Variants in RABGAP1 observed in about 807,000 individuals in gnomAD.
RABGAP1 encodes rab GTPase-activating protein 1.
RABGAP1 carries 23 observed loss-of-function variants against 137.6 expected under a neutral mutation model. The observed-to-expected ratio is 0.17, with a 90% CI of 0.12 to 0.24. RABGAP1 has a LOEUF of 0.24. RABGAP1 is among the 10% of genes least tolerant of loss of function. The probability of loss-of-function intolerance (pLI) is 1.00; values close to 1 mark genes in which losing one functional copy is unlikely to be tolerated. For missense variants in RABGAP1, 906 were observed against 1,275.8 expected, an observed-to-expected ratio of 0.71 and a Z score of 4.42; for synonymous variants, 451 against 450.7, an observed-to-expected ratio of 1.00 and a Z score of -0.01.
chr9:123,014,595 C>T (rs2031073019), intron 11 of RABGAP1, among the ~76,000 whole-genome samples: 1 of 150,718 alleles, frequency 6.6e-6, no homozygotes, highest in African/African-American at 2.4e-5. Context: ...TTAGTCTGTT[C>T]TCATACTGCT....
chr9:123,043,799 G>A (rs948574674), intron 13 of RABGAP1, among the ~76,000 whole-genome samples: 3 of 151,918 alleles, frequency 2.0e-5, no homozygotes, highest in African/African-American at 7.3e-5. Flanking sequence ...AAGGAGAGGT[G>A]AAAATGGTTG....
rs576550430 is a variant in RABGAP1 at position 122,957,429 on chromosome 9, T to C, written c.150+220T>C. Among the ~76,000 whole-genome samples the C allele has an allele frequency of 1.3e-4, 20 of 152,310 alleles. No individual in the cohort carries two copies. The South Asian group carries it at 3.3e-3, about 25-fold the overall frequency. ...CTAAATTTTTCAATACCCCTAAGTG[T>C]CAAAACTAGTGGTTATAGTATAAAC... On this transcript the variant is annotated intron_variant, in intron 2 of 25. Transcript: ENST00000373647.
At chr9:123,038,050 A>G (rs2032758455) in intron 13 of RABGAP1, among the ~76,000 whole-genome samples, 1 of 152,194 alleles carries the variant, frequency 6.6e-6, no homozygotes, top group Non-Finnish European at 1.5e-5. Context: ...AAGTAGGATT[A>G]TACTGATGTT....
chr9:123,023,371 G>A (rs2031767070), intron 13 of RABGAP1, among the ~76,000 whole-genome samples: 1 of 152,144 alleles, frequency 6.6e-6, no homozygotes, highest in Admixed American at 6.5e-5. Flanking sequence ...AGTAGAGACA[G>A]GGTATCCCCA....
rs1588222351 is a variant in RABGAP1 at position 122,989,331 on chromosome 9, A to G, written c.625A>G (p.Asn209Asp). 1.2e-6 allele frequency: 2 copies of G among 1,613,708 alleles called. No homozygotes were observed. The highest frequency in any genetic ancestry group is 8.5e-7 in the Non-Finnish European group (1 of 1,179,830). Residue 209 changes from asparagine to aspartate, a missense_variant, in exon 5 of 26, where the codon AAC (asparagine) becomes GAC (aspartate). This residue lies in a region of RABGAP1 where 331 missense variants were observed against 358.3 expected (regional missense o/e 0.92). Transcript: ENST00000373647. ...LDPQTNTEIA[N>D]YPIYKILFCV... ...TCCTCAGACAAACACTGAAATAGCA[A>G]ACTACCCTATCTACAAAATCCTCTT...
chr9:122,988,499 A>ATT (rs71388335), intron 4 of RABGAP1, among the ~76,000 whole-genome samples: 88,868 of 143,880 alleles, frequency 0.62, 34,062 homozygotes, highest in Non-Finnish European at 0.86. Flanking sequence ...TTTATTCATG[A>ATT]TTTTTTTTTT....
intron 10 of RABGAP1, among the ~76,000 whole-genome samples, chr9:123,009,581 T>C (rs1290092627): frequency 6.6e-6 from 1 of 152,218 alleles, no homozygotes; most frequent in African/African-American, 2.4e-5. Context: ...GAAGGAAGAA[T>C]GTTAGTATAC....
chr9:123,054,678 A>G (rs1329429129), intron 13 of RABGAP1, among the ~76,000 whole-genome samples: 3 of 152,202 alleles, frequency 2.0e-5, no homozygotes, highest in African/African-American at 7.2e-5. Flanking sequence ...TGAGTGCACT[A>G]CATTTAGTCC....
intron 1 of RABGAP1, among the ~76,000 whole-genome samples, chr9:122,946,495 A>G (rs1435155695): frequency 6.6e-6 from 1 of 152,170 alleles, no homozygotes; most frequent in Non-Finnish European, 1.5e-5. Context: ...CATTTATTAA[A>G]TGCTAATGTA....
intron 13 of RABGAP1, among the ~76,000 whole-genome samples, chr9:123,021,385 A>G (rs1162359379): frequency 7.2e-6 from 1 of 138,730 alleles, no homozygotes; most frequent in Non-Finnish European, 1.5e-5. Context: ...GTGCAGTGGC[A>G]TGATCTAGGC....
Position 123,070,262 on chromosome 9 carries a change from G to A in RABGAP1, c.1909-88G>A. The stretch of plus-strand genomic sequence containing the variant: ...GTCCCAGTGTGGGTAGCATCCTCCA[G>A]GGTTCTGTATTCAAGGTCCTATAGT... On this transcript the variant is annotated intron_variant, in intron 14 of 25. Coordinates refer to ENST00000373647, the MANE Select transcript of RABGAP1 (RefSeq NM_012197.4). The surrounding 1 kb of genome is among the most constrained non-coding windows in gnomAD (Gnocchi z 4.4). The A allele has an allele frequency of 6.3e-7, 1 of 1,579,856 alleles. No homozygotes were observed. Among genetic ancestry groups the A allele is most frequent in the Non-Finnish European group, 8.6e-7 (1 of 1,163,628 alleles).
intron 13 of RABGAP1, among the ~76,000 whole-genome samples, chr9:123,048,446 G>C (rs2033316767): frequency 6.6e-6 from 1 of 152,174 alleles, no homozygotes; most frequent in East Asian, 1.9e-4. Context: ...CTGTGTGTCT[G>C]TGTGTTGCAT....
intron 19 of RABGAP1, among the ~76,000 whole-genome samples, chr9:123,080,550 C>T (rs985347875): frequency 1.3e-5 from 2 of 152,132 alleles, no homozygotes; most frequent in East Asian, 3.8e-4. Context: ...ATAGTTGAAC[C>T]TGTTATGGGC....
intron 5 of RABGAP1, chr9:122,989,712 G>A: frequency 1.8e-6 from 1 of 558,460 alleles, no homozygotes; most frequent in South Asian, 2.4e-5. Context: ...ATTGGGTTAA[G>A]TAGGCATTCT....
intron 14 of RABGAP1, among the ~76,000 whole-genome samples, chr9:123,068,451 G>C (rs930774590): frequency 6.6e-6 from 1 of 151,890 alleles, no homozygotes; most frequent in Admixed American, 6.6e-5. Flanking sequence ...TTTTGTAACT[G>C]ATAAAACTGT....
intron 13 of RABGAP1, among the ~76,000 whole-genome samples, chr9:123,040,400 G>C (rs577043664): frequency 1.3e-5 from 2 of 152,258 alleles, no homozygotes; most frequent in East Asian, 3.9e-4. Context: ...GGTGGGAATG[G>C]AATCTCAGAA....
chr9:122,987,096 C>T (rs1481638064), intron 4 of RABGAP1, among the ~76,000 whole-genome samples: 1 of 151,964 alleles, frequency 6.6e-6, no homozygotes, highest in African/African-American at 2.4e-5. Context: ...GTGATCATGC[C>T]ACTTCACTCC....
chr9:123,067,045 A>T (rs1191470642), intron 14 of RABGAP1, among the ~76,000 whole-genome samples: 3 of 152,232 alleles, frequency 2.0e-5, no homozygotes, highest in African/African-American at 7.2e-5. Flanking sequence ...AAATAAGTTT[A>T]TCCATCTTTA....
chr9:123,059,685 A>AT (rs1384312880), intron 13 of RABGAP1, among the ~76,000 whole-genome samples: 1 of 152,220 alleles, frequency 6.6e-6, no homozygotes, highest in Admixed American at 6.5e-5. Context: ...TTGTGCTCTT[A>AT]TAAAGAAGAG....
Sources: allele counts gnomAD v4.1 joint callset (sites outside exome capture counted in the v4.1 genomes callset), GRCh38; gene constraint gnomAD v4.1.1; regional missense constraint gnomAD v4.1.1; non-coding constraint Gnocchi (gnomAD v3.1); transcripts MANE v1.5; gene names NCBI Gene and HGNC (gene_info 2026-07-23, HGNC 2026-07-21).